PDE10A: variants seen among roughly 807,000 people sequenced by gnomAD.
The protein encoded by PDE10A is cAMP and cAMP-inhibited cGMP 3',5'-cyclic phosphodiesterase 10A.
PDE10A carries 39 observed loss-of-function variants against 97.7 expected under a neutral mutation model. The ratio of observed to expected loss-of-function variants is 0.40; its 90% CI spans 0.31 to 0.52. The LOEUF (loss-of-function observed/expected upper bound fraction) is 0.52. Among genes scored for constraint, PDE10A ranks in the 20% least tolerant of loss-of-function variants. The pLI is 0.56. For synonymous variants in PDE10A, 371 were observed against 376.8 expected (o/e 0.98, Z 0.18); for missense variants, 731 against 1,047.8 (o/e 0.70, Z 4.17).
intron 3 of PDE10A, among the ~76,000 whole-genome samples, chr6:165,463,215 G>A (rs1335797871): frequency 1.3e-5 from 2 of 152,156 alleles, no homozygotes; most frequent in African/African-American, 4.8e-5. Context: ...CCTATTATCT[G>A]GAACCATGGT....
At chr6:165,843,583 C>T (rs1165426230) in intron 1 of PDE10A, among the ~76,000 whole-genome samples, 1 of 152,164 alleles carries the variant, frequency 6.6e-6, no homozygotes, top group Non-Finnish European at 1.5e-5. Flanking sequence ...GGACAGGCTC[C>T]CTGAAGCCTC....
intron 18 of PDE10A, among the ~76,000 whole-genome samples, chr6:165,377,006 A>AG (rs1483726807): frequency 6.6e-6 from 1 of 152,198 alleles, no homozygotes; most frequent in East Asian, 1.9e-4. Context: ...ACCAATACTG[A>AG]GGCAAGACCC....
chr6:165,893,789 T>G (rs1485563344), intron 1 of PDE10A, among the ~76,000 whole-genome samples: 1 of 152,042 alleles, frequency 6.6e-6, no homozygotes, highest in Non-Finnish European at 1.5e-5. Context: ...TTGATAGAAC[T>G]TAAGTAGGGT....
chr6:165,477,868 G>GTTTTAGAGACAAACTTTT (rs981908476), intron 3 of PDE10A, among the ~76,000 whole-genome samples: 1 of 152,090 alleles, frequency 6.6e-6, no homozygotes, highest in African/African-American at 2.4e-5. Context: ...CAAACTTTTT[G>GTTTTAGAGACAAACTTTT]GTCTCCTCTG....
intron 1 of PDE10A, among the ~76,000 whole-genome samples, chr6:165,642,802 T>C (rs905424914): frequency 7.9e-5 from 12 of 152,394 alleles, no homozygotes; most frequent in African/African-American, 2.9e-4. Flanking sequence ...ACTCGCTCTC[T>C]TGCGGCATAC....
At position 165,544,862 on chromosome 6, in the gene PDE10A, T is replaced by C. The variant is rs149198451; in HGVS notation, c.866-1294A>G. Among the ~76,000 whole-genome samples the C allele has an allele frequency of 2.0e-5, 3 of 151,922 alleles. No individual in the cohort carries two copies. In the East Asian group the frequency reaches 5.8e-4, roughly 29 times the overall value. On this transcript the variant is annotated intron_variant, in intron 1 of 21. Coordinates refer to ENST00000539869, the MANE Select transcript of PDE10A (RefSeq NM_001385079.1). ...ACACATATACACACACAAATAGAGTTGTATAAGACAAATGAAAATAAGATC... is the reference window on the plus strand; with the variant it reads ...ACACATATACACACACAAATAGAGTCGTATAAGACAAATGAAAATAAGATC...
intron 13 of PDE10A, among the ~76,000 whole-genome samples, chr6:165,396,854 A>G (rs528030201): frequency 6.6e-6 from 1 of 152,354 alleles, no homozygotes; most frequent in Admixed American, 6.5e-5. Flanking sequence ...ATCTGTTACA[A>G]CAAAACCTTT....
intron 1 of PDE10A, among the ~76,000 whole-genome samples, chr6:165,677,726 GACACTGTAT>G (rs910600742): frequency 1.4e-4 from 22 of 152,114 alleles, no homozygotes; most frequent in Admixed American, 6.5e-5. Flanking sequence ...CCCCATGAGG[GACACTGTAT>G]ATATGTGCAT....
At chr6:165,562,783 T>A (rs1036325690) in intron 1 of PDE10A, among the ~76,000 whole-genome samples, 3 of 152,062 alleles carry the variant, frequency 2.0e-5, no homozygotes, top group African/African-American at 7.2e-5. Context: ...TAGTAAAATT[T>A]AAATCATAAG....
chr6:165,717,980 A>C (rs575013865), intron 1 of PDE10A, among the ~76,000 whole-genome samples: 13 of 152,332 alleles, frequency 8.5e-5, no homozygotes, highest in Non-Finnish European at 1.5e-4. Context: ...AATTCTTTGC[A>C]TAAGCTGCAT....
Position 165,430,286 on chromosome 6 carries a change from C to T in PDE10A, c.1601+1G>A. ...TACTATCCCTAGAAATGAACACTTA[C>T]TTTGATACGTCGAGTAGGAAGTCAT... is the stretch of plus-strand genomic sequence containing the variant. On this transcript the variant is annotated splice_donor_variant, in intron 9 of 21. Transcript: ENST00000539869. LOFTEE classifies it high-confidence loss of function. The T allele has an allele frequency of 6.2e-7, 1 of 1,605,302 alleles. No individual in the cohort carries two copies. Among genetic ancestry groups the T allele is most frequent in the Non-Finnish European group, 8.5e-7 (1 of 1,173,752 alleles).
intron 3 of PDE10A, among the ~76,000 whole-genome samples, chr6:165,457,896 A>T (rs1414655547): frequency 6.6e-6 from 1 of 152,208 alleles, no homozygotes. Flanking sequence ...TAGCCAAAAA[A>T]GTTTAGAGGC....
chr6:165,482,413 C>A (rs1779658731), intron 2 of PDE10A, 70 bp from the exon 3 acceptor site: 10 of 1,141,924 alleles, frequency 8.8e-6, no homozygotes, highest in South Asian at 2.5e-5. Flanking sequence ...CAAAACATGT[C>A]ATTTGCTTTC....
chr6:165,758,521 AGAAGAAGAAGAG>A (rs1562721657), intron 1 of PDE10A, among the ~76,000 whole-genome samples: 2 of 150,650 alleles, frequency 1.3e-5, no homozygotes, highest in Non-Finnish European at 1.5e-5. Flanking sequence ...AAGAAGAAGA[AGAAGAAGAAGAG>A]GAAGAGGAAG....
chr6:165,617,386 C>G (rs1787774364), intron 1 of PDE10A, among the ~76,000 whole-genome samples: 1 of 152,142 alleles, frequency 6.6e-6, no homozygotes, highest in African/African-American at 2.4e-5. Flanking sequence ...ACTCTGTCAC[C>G]CAGGCTGGAG....
chr6:165,812,066 A>C (rs1779298592), intron 1 of PDE10A, among the ~76,000 whole-genome samples: 1 of 152,030 alleles, frequency 6.6e-6, no homozygotes, highest in African/African-American at 2.4e-5. Context: ...ATTGGCCAGG[A>C]TGGTCTTGAT....
intron 1 of PDE10A, among the ~76,000 whole-genome samples, chr6:165,733,340 G>C (rs963296135): frequency 3.3e-5 from 5 of 152,158 alleles, no homozygotes; most frequent in Non-Finnish European, 7.3e-5. Context: ...TGGGGCAAGG[G>C]GGAAGCCCCT....
intron 1 of PDE10A, among the ~76,000 whole-genome samples, chr6:165,651,614 T>C (rs1409905411): frequency 6.6e-6 from 1 of 152,158 alleles, no homozygotes; most frequent in Non-Finnish European, 1.5e-5. Flanking sequence ...TACCAAGGTG[T>C]TTCATTGTGT....
chr6:165,507,582 G>A (rs1016422539), intron 2 of PDE10A, among the ~76,000 whole-genome samples: 2 of 151,936 alleles, frequency 1.3e-5, no homozygotes, highest in African/African-American at 2.4e-5. Context: ...CCTATCTCCC[G>A]CCAGATTTGT....
Sources: allele counts gnomAD v4.1 joint callset (sites outside exome capture counted in the v4.1 genomes callset), GRCh38; gene constraint gnomAD v4.1.1; transcripts MANE v1.5; gene names NCBI Gene and HGNC (gene_info 2026-07-23, HGNC 2026-07-21).